FAM111B: variants seen among roughly 807,000 people sequenced by gnomAD.
FAM111B encodes the protein serine protease FAM111B.
In FAM111B, 1 loss-of-function variant was observed where a neutral mutation model predicts 2.8. That is an observed-to-expected ratio of 0.36 (90% CI 0.13 to 1.70). The LOEUF (loss-of-function observed/expected upper bound fraction) is 1.70, where lower values mean the gene tolerates loss of function less well. Among genes scored for constraint, FAM111B ranks in the 40% most tolerant of loss-of-function variants. The pLI is 0.35. For missense variants in FAM111B, 882 were observed against 878.9 expected (o/e 1.00, Z -0.04); for synonymous variants, 297 against 295.6 (o/e 1.00, Z -0.05).
In FAM111B at chr11:59,126,180, A is replaced by T; in HGVS notation, c.2083A>T (p.Lys695Ter). 1 of 1,611,612 alleles carries T rather than the reference A, an allele frequency of 6.2e-7. No individual in the cohort carries two copies. The highest frequency in any genetic ancestry group is 8.5e-7 in the Non-Finnish European group (1 of 1,179,208). The change falls in exon 4 of 4, where the codon AAA becomes TAA. Residue 695 changes from lysine (K) to a stop codon, truncating the protein, a stop_gained. Transcript: ENST00000343597. LOFTEE classifies it low-confidence loss of function (END_TRUNC). ...TATGGATTCTATTCTTTGTGATATTAAAAAGACAAATGAGAGCTTGTATAA... is the reference window on the plus strand; with the variant it reads ...TATGGATTCTATTCTTTGTGATATTTAAAAGACAAATGAGAGCTTGTATAA... ...YSMDSILCDI[K>*]KTNESLYKSL...
rs555747499 is a variant in FAM111B, at chr11:59,125,768, T to C, written c.1671T>C (p.Phe557=). The C allele has an allele frequency of 4.3e-6, 7 of 1,613,860 alleles. No individual in the cohort carries two copies. In the African/African-American group the frequency reaches 6.7e-5, roughly 15 times the overall value. ...ILKLKENGNA[F]PPGLWRQISP... Reference sequence around the variant, plus strand: ...AACTAAAAGAAAATGGAAATGCGTTTCCTCCAGGACTATGGCGACAGATTT... The same window carrying C: ...AACTAAAAGAAAATGGAAATGCGTTCCCTCCAGGACTATGGCGACAGATTT... Residue 557 remains phenylalanine, a synonymous_variant, in exon 4 of 4, where the codon TTT becomes TTC. Transcript: ENST00000343597.
At chr11:59,121,357 A>G (rs1247953373) in intron 3 of FAM111B, among the ~76,000 whole-genome samples, 1 of 152,326 alleles carries the variant, frequency 6.6e-6, no homozygotes, top group East Asian at 1.9e-4. Flanking sequence ...GTTCAATTTC[A>G]TTAGTAATTA....
chr11:59,125,102 A>C lies in FAM111B; in HGVS notation c.1005A>C (p.Lys335Asn). The C allele has an allele frequency of 1.2e-6, 2 of 1,613,848 alleles. No individual in the cohort carries two copies. The highest frequency in any genetic ancestry group is 2.2e-5 in the South Asian group (2 of 91,052). Residue 335 changes from lysine (K) to asparagine (N), a missense_variant, in exon 4 of 4, where the codon AAA (lysine) becomes AAC (asparagine). Physicochemically the swap from Lys to Asn is moderately conservative, Grantham distance 94. Transcript: ENST00000343597. ...CTCAGGATCTAAGCCATTATATTAA[A>C]GATAAAACTCGCCAGACAATTCCCA... The part of the protein sequence containing the change: ...LPPQDLSHYI[K>N]DKTRQTIPRI...
intron 2 of FAM111B, among the ~76,000 whole-genome samples, chr11:59,109,309 T>C (rs1238232297): frequency 2.6e-5 from 4 of 152,208 alleles, no homozygotes; most frequent in African/African-American, 9.7e-5. Context: ...TCCAGTCATC[T>C]TGGCCTCCCA....
intron 3 of FAM111B, among the ~76,000 whole-genome samples, chr11:59,122,404 AG>A (rs931916901): frequency 1.3e-5 from 2 of 152,206 alleles, no homozygotes; most frequent in African/African-American, 4.8e-5. Flanking sequence ...AATGATTTGT[AG>A]TGTGCTATTT....
At position 59,109,611 on chromosome 11, in the gene FAM111B, C is replaced by G. The variant is rs368240101; in HGVS notation, c.-15C>G. 6.4e-7 allele frequency: 1 copy of G among 1,574,072 alleles called. No individual in the cohort carries two copies. Among genetic ancestry groups the G allele is most frequent in the Non-Finnish European group, 8.7e-7 (1 of 1,148,784 alleles). The stretch of plus-strand genomic sequence containing the variant: ...TCGAGTAGTAGAAGTTAGTTACATT[C>G]TCTTTGAACTCATCATGAATTCCAT... On this transcript the variant is annotated 5_prime_UTR_variant, in exon 3 of 4. Coordinates refer to ENST00000343597, the MANE Select transcript of FAM111B (RefSeq NM_198947.4).
rs201747467 is a variant in FAM111B at position 59,124,185 on chromosome 11, G to A, written c.88G>A (p.Val30Ile). Residue 30 changes from valine to isoleucine, a missense_variant, in exon 4 of 4, where the codon GTC becomes ATC. Val to Ile is a conservative substitution (Grantham distance 29, BLOSUM62 3). Transcript: ENST00000343597. ...RTRPEVSKDT[V>I]MKQTHADTPV... ...TTAATCTTTCCTTTTTAAGGATACTGTCATGAAGCAGACACATGCTGACAC... is the reference window on the plus strand; with the variant it reads ...TTAATCTTTCCTTTTTAAGGATACTATCATGAAGCAGACACATGCTGACAC... 1.2e-6 allele frequency: 2 copies of A among 1,606,782 alleles called. No homozygotes were observed. The highest frequency in any genetic ancestry group is 1.1e-5 in the South Asian group (1 of 90,014).
chr11:59,123,868 T>C (rs1409410312), intron 3 of FAM111B, among the ~76,000 whole-genome samples: 2 of 152,208 alleles, frequency 1.3e-5, no homozygotes, highest in Non-Finnish European at 2.9e-5. Context: ...CCAGTTATTC[T>C]AGCCACATTT....
At chr11:59,115,718 C>T (rs775503803) in intron 3 of FAM111B, among the ~76,000 whole-genome samples, 12 of 152,142 alleles carry the variant, frequency 7.9e-5, no homozygotes, top group Non-Finnish European at 1.6e-4. Flanking sequence ...ACTTACATCA[C>T]ATGATCAAAA....
intron 3 of FAM111B, among the ~76,000 whole-genome samples, chr11:59,121,601 T>C (rs545590298): frequency 2.6e-5 from 4 of 152,336 alleles, no homozygotes; most frequent in African/African-American, 9.6e-5. Flanking sequence ...TACTGCCTCA[T>C]GTCTTCAAAT....
intron 3 of FAM111B, among the ~76,000 whole-genome samples, chr11:59,114,452 G>A (rs759519705): frequency 1.4e-4 from 22 of 152,118 alleles, no homozygotes; most frequent in South Asian, 4.1e-4. Context: ...AGAGAGGAGG[G>A]GATGGAGTGG....
At chr11:59,113,521 A>T (rs184042690) in intron 3 of FAM111B, among the ~76,000 whole-genome samples, 6 of 152,364 alleles carry the variant, frequency 3.9e-5, no homozygotes, top group Non-Finnish European at 7.3e-5. Flanking sequence ...AAGATTGTCC[A>T]GAGAACTGTG....
chr11:59,125,579 T>C lies in FAM111B; in HGVS notation c.1482T>C (p.Leu494=). 6.2e-7 allele frequency: 1 copy of C among 1,613,904 alleles called. No individual in the cohort carries two copies. Among genetic ancestry groups the C allele is most frequent in the Non-Finnish European group, 8.5e-7 (1 of 1,179,818 alleles). Reference sequence around the variant, plus strand: ...TCACCTGTCGACATGTTGTACATCTTATGGTGGGTAAAAACACACATCCAA... The same window carrying C: ...TCACCTGTCGACATGTTGTACATCTCATGGTGGGTAAAAACACACATCCAA... ...YIFTCRHVVH[L]MVGKNTHPSL... is the part of the protein sequence containing the mutation. The change falls in exon 4 of 4, where the codon CTT becomes CTC. Residue 494 remains leucine, a synonymous_variant. Transcript: ENST00000343597.
intron 1 of FAM111B, 130 bp downstream of exon 1, chr11:59,107,426 G>C (rs1859680306): frequency 6.6e-6 from 1 of 152,670 alleles, no homozygotes; most frequent in African/African-American, 2.4e-5. Flanking sequence ...GCCGCCCGTT[G>C]TAATTCCCTT....
rs1001951790 is a variant in FAM111B, at chr11:59,126,389, G to A, written c.*87G>A. 9 of 1,128,792 alleles carry A rather than the reference G, an allele frequency of 8.0e-6. No individual in the cohort carries two copies. The South Asian group carries it at 1.7e-4, about 21-fold the overall frequency. The allele number at this position is 1,128,792 out of a possible 1,614,324, so 69.9% of individuals were successfully genotyped here. ...GACACTTAAAGCAATTGCAACAAAAGTGAAAATTGGCAAATGAGACCTAAT... is the reference window on the plus strand; with the variant it reads ...GACACTTAAAGCAATTGCAACAAAAATGAAAATTGGCAAATGAGACCTAAT... On this transcript the variant is annotated 3_prime_UTR_variant, in exon 4 of 4. Transcript: ENST00000343597.
At chr11:59,107,555 G>A (rs1330579899) in intron 1 of FAM111B, among the ~76,000 whole-genome samples, 1 of 152,084 alleles carries the variant, frequency 6.6e-6, no homozygotes, top group Non-Finnish European at 1.5e-5. Context: ...TTCCCTGCCC[G>A]GTGCCGTTCG....
intron 3 of FAM111B, among the ~76,000 whole-genome samples, chr11:59,116,397 A>G (rs1300371170): frequency 6.6e-6 from 1 of 152,180 alleles, no homozygotes; most frequent in Non-Finnish European, 1.5e-5. Flanking sequence ...CCAATAATTT[A>G]TTCTAATTTT....
In FAM111B at chr11:59,125,282, T is replaced by A. The variant is rs761228741; in HGVS notation, c.1185T>A (p.Asn395Lys). Reference protein sequence around the residue: ...INLLKNYQTLNEAIMHQYPNF... With the variant: ...INLLKNYQTLKEAIMHQYPNF... ...TCTTAAAGAATTATCAAACGTTGAA[T>A]GAAGCCATAATGCATCAGTATCCGA... The change falls in exon 4 of 4, where the codon AAT becomes AAA. Residue 395 changes from asparagine (N) to lysine (K), a missense_variant. Coordinates refer to ENST00000343597, the MANE Select transcript of FAM111B (RefSeq NM_198947.4). 4 of 1,613,778 alleles carry A rather than the reference T, an allele frequency of 2.5e-6. No homozygotes were observed. Among genetic ancestry groups the A allele is most frequent in the Non-Finnish European group, 3.4e-6 (4 of 1,179,866 alleles).
intron 3 of FAM111B, among the ~76,000 whole-genome samples, chr11:59,120,650 GT>G (rs1859906772): frequency 2.0e-5 from 3 of 152,174 alleles, no homozygotes; most frequent in African/African-American, 7.2e-5. Context: ...AGTTGGCCAT[GT>G]TTTTCCTATG....
Sources: gnomAD v4.1 joint callset for allele counts (sites outside exome capture counted in the v4.1 genomes callset) on GRCh38, gnomAD v4.1.1 for gene constraint, MANE v1.5 for transcripts, NCBI Gene and HGNC (gene_info 2026-07-23, HGNC 2026-07-21) for gene names.